AGO3: variants seen among roughly 807,000 people sequenced by gnomAD.
AGO3 encodes protein argonaute-3.
In AGO3, 16 loss-of-function variants were observed where a neutral mutation model predicts 105.5. The observed-to-expected ratio is 0.15, with a 90% CI of 0.10 to 0.23. The LOEUF (loss-of-function observed/expected upper bound fraction) is 0.23. Ranked by LOEUF, AGO3 falls within the 10% of genes least tolerant of loss-of-function variation. The pLI is 1.00. For synonymous variants in AGO3, 340 were observed against 367.3 expected (o/e 0.93, Z 0.85); for missense variants, 534 against 1,088.0 (o/e 0.49, Z 7.16).
At chr1:35,942,172 C>G (rs1034558011) in intron 1 of AGO3, among the ~76,000 whole-genome samples, 5 of 152,126 alleles carry the variant, frequency 3.3e-5, no homozygotes, top group Non-Finnish European at 5.9e-5. Context: ...AATTTAAAAA[C>G]AAATGATTCA....
intron 6 of AGO3, 31 bp downstream of exon 6, chr1:36,004,506 C>A: frequency 6.5e-7 from 1 of 1,540,558 alleles, no homozygotes; most frequent in South Asian, 1.3e-5. Flanking sequence ...CACAACTTAA[C>A]TATAAAATGC....
intron 5 of AGO3, among the ~76,000 whole-genome samples, chr1:35,995,206 AAAAAT>A (rs927818113): frequency 7.7e-5 from 9 of 117,212 alleles, no homozygotes; most frequent in Middle Eastern, 3.5e-3. Context: ...GTCTAAAAAA[AAAAAT>A]ATATATATAT....
At chr1:36,054,567 G>A (rs1472216147) in intron 17 of AGO3, among the ~76,000 whole-genome samples, 2 of 151,724 alleles carry the variant, frequency 1.3e-5, no homozygotes, top group African/African-American at 4.8e-5. Flanking sequence ...ATGTGACTTG[G>A]TATTAAATAT....
chr1:36,014,732 C>T (rs1640805624), intron 11 of AGO3, among the ~76,000 whole-genome samples: 1 of 144,940 alleles, frequency 6.9e-6, no homozygotes, highest in Non-Finnish European at 1.5e-5. Flanking sequence ...GATTGTGCCA[C>T]TGCACTCCAG....
intron 13 of AGO3, among the ~76,000 whole-genome samples, chr1:36,034,563 A>AT (rs1188003491): frequency 6.6e-6 from 1 of 152,210 alleles, no homozygotes; most frequent in African/African-American, 2.4e-5. Flanking sequence ...TAAGGAAAGA[A>AT]TGAAGCAAAG....
intron 11 of AGO3, among the ~76,000 whole-genome samples, chr1:36,025,006 G>A (rs116493840): frequency 0.015 from 2,287 of 152,054 alleles, 48 homozygotes; most frequent in African/African-American, 0.052. Flanking sequence ...CAGTTTTTGT[G>A]CAAAATACAA....
chr1:36,030,517 AAAAG>A (rs1325789931), intron 12 of AGO3, among the ~76,000 whole-genome samples: 2 of 150,004 alleles, frequency 1.3e-5, no homozygotes, highest in Non-Finnish European at 2.9e-5. Context: ...AAAAAAAAAA[AAAAG>A]AGAGAAGAAA....
chr1:36,020,480 C>T (rs966058066), intron 11 of AGO3, among the ~76,000 whole-genome samples: 7 of 152,072 alleles, frequency 4.6e-5, no homozygotes, highest in African/African-American at 1.7e-4. Flanking sequence ...ACGATATGAT[C>T]CTAAAGTTAC....
intron 1 of AGO3, among the ~76,000 whole-genome samples, chr1:35,939,121 A>G (rs553563550): frequency 6.6e-6 from 1 of 152,330 alleles, no homozygotes; most frequent in Admixed American, 6.5e-5. Context: ...TGTATTTGTT[A>G]AATAACTAAA....
At chr1:36,024,136 CTT>C (rs543123565) in intron 11 of AGO3, among the ~76,000 whole-genome samples, 17 of 128,938 alleles carry the variant, frequency 1.3e-4, no homozygotes, top group African/African-American at 2.2e-4. Context: ...TGACTGACTC[CTT>C]TTTTTTTTTT....
intron 11 of AGO3, among the ~76,000 whole-genome samples, chr1:36,020,472 G>A (rs148738120): frequency 8.3e-4 from 126 of 152,196 alleles, no homozygotes; most frequent in African/African-American, 2.4e-3. Context: ...CAGTCCAAAC[G>A]ATATGATCCT....
rs1339932635 is a variant in AGO3, at chr1:36,055,105, T to G, written c.2434T>G (p.Phe812Val). ...APAYYAHLVAFRARYHLVDKE... is the reference protein window; with the variant it reads ...APAYYAHLVAVRARYHLVDKE... Reference sequence around the variant, plus strand: ...AGCGTATTATGCTCACCTGGTAGCATTTAGAGCCAGATATCATCTTGTGGA... The same window carrying G: ...AGCGTATTATGCTCACCTGGTAGCAGTTAGAGCCAGATATCATCTTGTGGA... Residue 812 changes from phenylalanine to valine, a missense_variant, in exon 18 of 19, where the codon TTT (phenylalanine) becomes GTT (valine). By Grantham distance (50) the Phe-to-Val change is conservative (BLOSUM62 -1). Around this residue, in one of 2 missense-constraint regions of AGO3, gnomAD observed 373 missense variants for 854.0 expected, o/e 0.44. Coordinates refer to ENST00000373191, the MANE Select transcript of AGO3 (RefSeq NM_024852.4). The surrounding 1 kb of genome is among the most constrained non-coding windows in gnomAD (Gnocchi z 4.4). The G allele has an allele frequency of 6.2e-7, 1 of 1,612,810 alleles. No individual in the cohort carries two copies. The highest frequency in any genetic ancestry group is 8.5e-7 in the Non-Finnish European group (1 of 1,179,328).
intron 17 of AGO3, among the ~76,000 whole-genome samples, chr1:36,044,973 C>G (rs1264015903): frequency 6.6e-6 from 1 of 152,174 alleles, no homozygotes; most frequent in Non-Finnish European, 1.5e-5. Context: ...ATGTACCTTA[C>G]CATACAGCTC....
chr1:36,013,372 G>A, intron 9 of AGO3: 1 of 308,320 alleles, frequency 3.2e-6, no homozygotes. Context: ...ACCATGCCAG[G>A]CCAAAATGTA....
chr1:35,992,668 A>G (rs1303381936), intron 5 of AGO3, among the ~76,000 whole-genome samples: 2 of 152,212 alleles, frequency 1.3e-5, no homozygotes, highest in Non-Finnish European at 1.5e-5. Flanking sequence ...CAACCCATAA[A>G]GGAATCTGTG....
rs1642907374 is a variant in AGO3 at position 36,056,043 on chromosome 1, C to T, written c.*298C>T. ...TCTAACCCTTTTAATGCCTTTACCT[C>T]AAGTTGCTTGGCAGCACAACTATCT... On this transcript the variant is annotated 3_prime_UTR_variant, in exon 19 of 19. Transcript: ENST00000373191. The T allele has an allele frequency of 4.6e-6, 1 of 218,964 alleles. No homozygotes were observed. The highest frequency in any genetic ancestry group is 2.3e-5 in the African/African-American group (1 of 43,978). The allele number at this position is 218,964 out of a possible 1,614,324, so 13.6% of individuals were successfully genotyped here. A position where few individuals can be genotyped will look rare whatever the true frequency, so the allele number is the denominator to read the frequency against.
intron 14 of AGO3, among the ~76,000 whole-genome samples, chr1:36,039,266 C>G (rs979712929): frequency 2.0e-5 from 3 of 152,020 alleles, no homozygotes; most frequent in African/African-American, 7.2e-5. Flanking sequence ...GAGGCCAACG[C>G]AGACGGATCA....
rs1233699389 is a variant in AGO3, at chr1:36,061,879, A to G, written c.*6134A>G. 1 of 152,236 alleles carries G rather than the reference A, an allele frequency of 6.6e-6. No individual in the cohort carries two copies. The highest frequency in any genetic ancestry group is 1.9e-4 in the East Asian group (1 of 5,204). 9.4% of individuals were successfully genotyped at this position (152,236 alleles called of 1,614,324 possible). On this transcript the variant is annotated 3_prime_UTR_variant, in exon 19 of 19. Transcript: ENST00000373191. ...CCAAGAGTGTGACAGTTTCATAAAA[A>G]TAATGTTAGTTGTTGTCTTGAATCT... is the stretch of plus-strand genomic sequence containing the variant.
intron 5 of AGO3, among the ~76,000 whole-genome samples, chr1:35,977,192 C>T (rs1646968928): frequency 6.8e-6 from 1 of 147,020 alleles, no homozygotes; most frequent in Non-Finnish European, 1.5e-5. Flanking sequence ...GCATTATATG[C>T]TTGTATCAAA....
Sources: gnomAD v4.1 joint callset for allele counts (sites outside exome capture counted in the v4.1 genomes callset) on GRCh38, gnomAD v4.1.1 for gene constraint, gnomAD v4.1.1 regional missense constraint, Gnocchi (gnomAD v3.1) non-coding constraint, MANE v1.5 for transcripts, NCBI Gene and HGNC (gene_info 2026-07-23, HGNC 2026-07-21) for gene names.